SLC5A4: variants seen among roughly 807,000 people sequenced by gnomAD.
SLC5A4 encodes solute carrier family 5 member 4, also known as probable glucose sensor protein SLC5A4.
A neutral mutation model predicts 70.3 loss-of-function variants in SLC5A4; 55 were observed. The observed-to-expected ratio is 0.78, with a 90% CI of 0.63 to 0.98. SLC5A4 has a LOEUF of 0.98. Ranked by LOEUF, SLC5A4 falls within the 50% of genes least tolerant of loss-of-function variation. The pLI is 0.00. For synonymous variants in SLC5A4, 268 were observed against 305.7 expected, an observed-to-expected ratio of 0.88 and a Z score of 1.29; for missense variants, 735 against 839.2, an observed-to-expected ratio of 0.88 and a Z score of 1.53.
the SLC5A4 span, among the ~76,000 whole-genome samples, chr22:32,287,428 T>C: frequency 6.6e-6 from 1 of 151,758 alleles, no homozygotes; most frequent in East Asian, 1.9e-4. Context: ...GATTTCAGAA[T>C]TGTTACCCCT....
chr22:32,292,133 TTA>T, the SLC5A4 span, among the ~76,000 whole-genome samples: 3 of 36,906 alleles, frequency 8.1e-5, no homozygotes, highest in Non-Finnish European at 1.1e-4. Context: ...ATACTAGATA[TTA>T]TATATTATAT....
At chr22:32,281,674 A>G in the SLC5A4 span, among the ~76,000 whole-genome samples, 2 of 152,054 alleles carry the variant, frequency 1.3e-5, no homozygotes, top group Non-Finnish European at 2.9e-5. Flanking sequence ...ATTTTTGTAG[A>G]AACAGGGGTC....
At chr22:32,327,834 C>T in the SLC5A4 span, among the ~76,000 whole-genome samples, 5 of 152,180 alleles carry the variant, frequency 3.3e-5, no homozygotes, top group Admixed American at 1.3e-4. Context: ...GGAGCCCTGC[C>T]GGCCTCCCTG....
At chr22:32,225,592 CAGTGAAATAAACGATTT>C (rs1309253298) in intron 12 of SLC5A4, 46 bp downstream of exon 12, 1 of 1,016,568 alleles carries the variant, frequency 9.8e-7, no homozygotes, top group Non-Finnish European at 1.5e-6. Flanking sequence ...TTTGATACCC[CAGTGAAATAAACGATTT>C]TTTTCTCACT....
At chr22:32,233,161 T>G (rs1925863012) in intron 8 of SLC5A4, 127 bp from the exon 9 acceptor site, 8 of 942,364 alleles carry the variant, frequency 8.5e-6, no homozygotes, top group Non-Finnish European at 1.3e-5. Context: ...AAGAGCTATC[T>G]GCACTCCTGT....
chr22:32,227,638 C>T (rs182172833), intron 11 of SLC5A4, among the ~76,000 whole-genome samples: 2,152 of 152,188 alleles, frequency 0.014, 18 homozygotes, highest in South Asian at 0.028. Flanking sequence ...ATAACATGAG[C>T]AAAAGAAGCC....
intron 9 of SLC5A4, 86 bp from the exon 10 acceptor site, chr22:32,231,161 A>G (rs1925740906): frequency 8.7e-6 from 7 of 800,984 alleles, no homozygotes; most frequent in South Asian, 2.9e-5. Flanking sequence ...TTGAAAGATC[A>G]TAAGGAAGGA....
In SLC5A4 at chr22:32,236,653, G is replaced by A. The variant is rs934502723; in HGVS notation, c.664+591C>T. Among the ~76,000 whole-genome samples, 3 of 151,662 alleles carry A rather than the reference G, an allele frequency of 2.0e-5. No individual in the cohort carries two copies. In the East Asian group the frequency reaches 5.8e-4, roughly 29 times the overall value. ...CAGCCCAATGCTACTGATTTTGTCT[G>A]TCCTTAACACAAAGAAATCAAGGTT... is the stretch of plus-strand genomic sequence containing the variant. On this transcript the variant is annotated intron_variant, in intron 7 of 14. Coordinates refer to ENST00000266086, the MANE Select transcript of SLC5A4 (RefSeq NM_014227.3).
the SLC5A4 span, among the ~76,000 whole-genome samples, chr22:32,338,409 G>A: frequency 2.0e-4 from 30 of 152,306 alleles, no homozygotes; most frequent in East Asian, 4.1e-3. Context: ...AGCACTTTGG[G>A]AGGCCGAGGC....
chr22:32,309,220 A>C, the SLC5A4 span, among the ~76,000 whole-genome samples: 1 of 152,160 alleles, frequency 6.6e-6, no homozygotes, highest in African/African-American at 2.4e-5. Context: ...AAAACACACA[A>C]TAATCACACC....
At chr22:32,349,099 C>G in the SLC5A4 span, among the ~76,000 whole-genome samples, 2 of 152,024 alleles carry the variant, frequency 1.3e-5, no homozygotes, top group Non-Finnish European at 2.9e-5. Context: ...CTCAGCCTCC[C>G]GAGTAGCTGG....
At chr22:32,351,786 G>A in the SLC5A4 span, among the ~76,000 whole-genome samples, 416 of 141,650 alleles carry the variant, frequency 2.9e-3, 6 homozygotes, top group African/African-American at 0.011. Context: ...ATGACAAGTC[G>A]TCTATTTTTA....
chr22:32,262,873 C>G, the SLC5A4 span, among the ~76,000 whole-genome samples: 1 of 151,692 alleles, frequency 6.6e-6, no homozygotes, highest in Non-Finnish European at 1.5e-5. Context: ...AGGTTCATGC[C>G]ATTCTCCTGC....
chr22:32,270,483 C>T, the SLC5A4 span: 4 of 816,956 alleles, frequency 4.9e-6, no homozygotes, highest in South Asian at 4.5e-5. Context: ...AGCAGGAACC[C>T]AGCACCCCCG....
At chr22:32,345,906 C>G in the SLC5A4 span, among the ~76,000 whole-genome samples, 1 of 152,196 alleles carries the variant, frequency 6.6e-6, no homozygotes, top group East Asian at 1.9e-4. Flanking sequence ...AAAGCAATCA[C>G]AATCATCTGT....
intron 9 of SLC5A4, among the ~76,000 whole-genome samples, chr22:32,231,290 T>C (rs1925749350): frequency 6.6e-6 from 1 of 152,174 alleles, no homozygotes; most frequent in African/African-American, 2.4e-5. Context: ...CACTGACCCA[T>C]GGGATAGGGG....
At chr22:32,315,755 G>T in the SLC5A4 span, among the ~76,000 whole-genome samples, 1 of 142,898 alleles carries the variant, frequency 7.0e-6, no homozygotes, top group African/African-American at 2.6e-5. Context: ...AAATGCATCT[G>T]CCATATCTGT....
At chr22:32,287,521 G>C in the SLC5A4 span, among the ~76,000 whole-genome samples, 1 of 151,894 alleles carries the variant, frequency 6.6e-6, no homozygotes, top group Non-Finnish European at 1.5e-5. Flanking sequence ...GGTCTATATA[G>C]GAGGCAAGTA....
At chr22:32,239,198 C>G (rs1318773429) in intron 5 of SLC5A4, 108 bp from the exon 6 acceptor site, 2 of 800,968 alleles carry the variant, frequency 2.5e-6, no homozygotes, top group Middle Eastern at 5.8e-4. Flanking sequence ...TAGACTCCTA[C>G]TTACCCTTCA....
Sources: allele counts gnomAD v4.1 joint callset (sites outside exome capture counted in the v4.1 genomes callset), GRCh38; gene constraint gnomAD v4.1.1; transcripts MANE v1.5; gene names NCBI Gene and HGNC (gene_info 2026-07-23, HGNC 2026-07-21).